Variants in USP9X observed in about 807,000 individuals in gnomAD.
The protein encoded by USP9X is ubiquitin specific peptidase 9 X-linked.
USP9X carries 7 observed loss-of-function variants against 190.3 expected under a neutral mutation model. That is an observed-to-expected ratio of 0.04 (90% CI 0.02 to 0.07). The LOEUF is 0.07. USP9X is among the 10% of genes least tolerant of loss of function. The probability of loss-of-function intolerance (pLI) is 1.00; values close to 1 mark genes in which losing one functional copy is unlikely to be tolerated. For synonymous variants in USP9X, 645 were observed against 659.5 expected (o/e 0.98, Z 0.34); for missense variants, 1,010 against 1,916.9 (o/e 0.53, Z 8.83).
At chrX:41,095,385 A>T (rs887177436) in intron 1 of USP9X, among the ~76,000 whole-genome samples, 4 of 111,930 alleles carry the variant, frequency 3.6e-5, no homozygotes, top group African/African-American at 1.3e-4. Flanking sequence ...CCCTATTGAC[A>T]GTTTGGGGCA....
chrX:41,097,009 A>G (rs1397697588), intron 1 of USP9X, among the ~76,000 whole-genome samples: 2 of 109,197 alleles, frequency 1.8e-5, no homozygotes, highest in South Asian at 3.9e-4. Context: ...TGTCAATCCA[A>G]CAACTTGAAT....
intron 21 of USP9X, among the ~76,000 whole-genome samples, chrX:41,174,578 T>C (rs1377392025): frequency 8.9e-6 from 1 of 112,242 alleles, no homozygotes; most frequent in Non-Finnish European, 1.9e-5. Flanking sequence ...AGCGATGTTC[T>C]GTTCTTCTCA....
rs750107729 is a variant in USP9X, at chrX:41,132,279, G to A, written c.322+743G>A. Among the ~76,000 whole-genome samples the A allele has an allele frequency of 4.9e-3, 506 of 102,421 alleles. 2 individuals carry two copies. Among genetic ancestry groups the A allele is most frequent in the Non-Finnish European group, 8.6e-3 (437 of 50,808 alleles). The allele number at this position is 102,421 out of a possible 115,157, so 88.9% of individuals were successfully genotyped here. A position where few individuals can be genotyped will look rare whatever the true frequency, so the allele number is the denominator to read the frequency against. The stretch of plus-strand genomic sequence containing the variant: ...CCTCTTGAGTGGGATACAGGCATGC[G>A]CCACCATGCCCACTAATTTTTTTTT... On this transcript the variant is annotated intron_variant, in intron 4 of 44. Coordinates refer to ENST00000378308, the MANE Select transcript of USP9X (RefSeq NM_001039591.3).
intron 20 of USP9X, among the ~76,000 whole-genome samples, chrX:41,170,865 G>A (rs1383252374): frequency 9.0e-6 from 1 of 111,645 alleles, no homozygotes; most frequent in African/African-American, 3.3e-5. Context: ...ACCAATTAGA[G>A]CTTAATTATA....
chrX:41,085,935 A>G lies in USP9X; in HGVS notation c.-333A>G. The G allele has an allele frequency of 6.7e-6, 2 of 296,814 alleles. No individual in the cohort carries two copies. The highest frequency in any genetic ancestry group is 1.2e-5 in the Non-Finnish European group (2 of 170,208). The allele number at this position is 296,814 out of a possible 1,213,427, so 24.5% of individuals were successfully genotyped here. On this transcript the variant is annotated 5_prime_UTR_variant, in exon 1 of 45. Transcript: ENST00000378308. The stretch of plus-strand genomic sequence containing the variant: ...GCGCCGGTGTGCAGCCTTTTGGTTG[A>G]GACGCCCGCAGCCCCGAGCCCGGCC...
intron 21 of USP9X, among the ~76,000 whole-genome samples, chrX:41,173,056 G>A (rs915638527): frequency 5.4e-5 from 6 of 111,637 alleles, no homozygotes; most frequent in African/African-American, 1.3e-4. Flanking sequence ...AGCATTTTGC[G>A]TTTTGTGTGT....
At chrX:41,090,415 T>A (rs1200057783) in intron 1 of USP9X, among the ~76,000 whole-genome samples, 1 of 112,417 alleles carries the variant, frequency 8.9e-6, no homozygotes, top group Non-Finnish European at 1.9e-5. Context: ...AAGAATAACT[T>A]GTGAAAAAGT....
intron 1 of USP9X, among the ~76,000 whole-genome samples, chrX:41,090,192 C>A (rs748138734): frequency 9.1e-6 from 1 of 109,684 alleles, no homozygotes; most frequent in South Asian, 3.9e-4. Context: ...CCGGCATGAG[C>A]GACTGGGCCC....
At chrX:41,163,173 C>T (rs186725599) in intron 15 of USP9X, among the ~76,000 whole-genome samples, 3 of 111,113 alleles carry the variant, frequency 2.7e-5, no homozygotes, top group Non-Finnish European at 5.7e-5. Context: ...TTGACACAAC[C>T]GGAAGGAGGA....
chrX:41,203,645 CAT>C (rs2063062986), intron 31 of USP9X, among the ~76,000 whole-genome samples: 1 of 111,671 alleles, frequency 9.0e-6, no homozygotes, highest in Non-Finnish European at 1.9e-5. Flanking sequence ...TATTTCCAGG[CAT>C]ATGCTCAGAA....
intron 29 of USP9X, among the ~76,000 whole-genome samples, 176 bp from the exon 30 acceptor site, chrX:41,198,348 TAGTG>T (rs1413296917): frequency 8.9e-6 from 1 of 112,480 alleles, no homozygotes; most frequent in African/African-American, 3.2e-5. Flanking sequence ...TTAGGTATGT[TAGTG>T]ATAGTAAATA....
At chrX:41,107,329 A>C (rs1569150991) in intron 1 of USP9X, among the ~76,000 whole-genome samples, 2 of 112,301 alleles carry the variant, frequency 1.8e-5, no homozygotes, top group Non-Finnish European at 3.8e-5. Flanking sequence ...CGATAGTTTT[A>C]TTTCTTTCAG....
chrX:41,098,754 C>A (rs1176205695), intron 1 of USP9X, among the ~76,000 whole-genome samples: 1 of 109,343 alleles, frequency 9.1e-6, no homozygotes, highest in Admixed American at 9.9e-5. Flanking sequence ...TGGGGTTTCG[C>A]CACATTGGCC....
At chrX:41,095,109 C>T (rs960321624) in intron 1 of USP9X, among the ~76,000 whole-genome samples, 4 of 110,641 alleles carry the variant, frequency 3.6e-5, no homozygotes, top group African/African-American at 1.3e-4. Context: ...ATAAGGGATG[C>T]TCAACCTGTG....
chrX:41,153,045 G>A lies in USP9X; in HGVS notation c.1861G>A (p.Ala621Thr). Reference protein sequence around the residue: ...ALVTLVAENLATYMESMRLYA... With the variant: ...ALVTLVAENLTTYMESMRLYA... Reference sequence around the variant, plus strand: ...AGTTACTTTGGTAGCAGAAAACCTTGCAACTTACATGGAAAGCATGAGACT... The same window carrying A: ...AGTTACTTTGGTAGCAGAAAACCTTACAACTTACATGGAAAGCATGAGACT... Residue 621 changes from alanine (A) to threonine (T), a missense_variant, in exon 14 of 45, where the codon GCA becomes ACA. Around this residue, in one of 11 missense-constraint regions of USP9X, gnomAD observed 104 missense variants for 239.8 expected, o/e 0.43. Transcript: ENST00000378308. 8.3e-7 allele frequency: 1 copy of A among 1,210,259 alleles called. No homozygotes were observed. Among genetic ancestry groups the A allele is most frequent in the Non-Finnish European group, 1.1e-6 (1 of 894,726 alleles).
intron 21 of USP9X, among the ~76,000 whole-genome samples, chrX:41,179,014 A>G (rs965796612): frequency 9.0e-6 from 1 of 111,675 alleles, no homozygotes; most frequent in African/African-American, 3.3e-5. Flanking sequence ...GTTGAAAATC[A>G]GTTGTTTCTG....
At chrX:41,185,556 C>T (rs1393656791) in intron 23 of USP9X, among the ~76,000 whole-genome samples, 1 of 111,186 alleles carries the variant, frequency 9.0e-6, no homozygotes, top group South Asian at 3.7e-4. Context: ...GTTAATTATA[C>T]TACTTTCGAC....
At chrX:41,101,376 G>A (rs1017518226) in intron 1 of USP9X, among the ~76,000 whole-genome samples, 94 of 108,250 alleles carry the variant, frequency 8.7e-4, no homozygotes, top group Admixed American at 2.3e-3. Context: ...TCAGGAGTTC[G>A]AGAGCAGCCT....
At chrX:41,161,208 A>G (rs1294470476) in intron 14 of USP9X, among the ~76,000 whole-genome samples, 2 of 111,129 alleles carry the variant, frequency 1.8e-5, no homozygotes, top group South Asian at 3.8e-4. Flanking sequence ...TAAATGGTTT[A>G]TAAAGATTAT....
Sources: allele counts gnomAD v4.1 joint callset (sites outside exome capture counted in the v4.1 genomes callset), GRCh38; gene constraint gnomAD v4.1.1; regional missense constraint gnomAD v4.1.1; transcripts MANE v1.5; gene names NCBI Gene and HGNC (gene_info 2026-07-23, HGNC 2026-07-21).